Variants in RAB19 observed in about 807,000 individuals in gnomAD.
The protein encoded by RAB19 is ras-related protein Rab-19.
Under a neutral mutation model 17.3 loss-of-function variants are expected in RAB19, and 21 were observed. The observed-to-expected ratio is 1.21, with a 90% CI of 0.86 to 1.74. The LOEUF (loss-of-function observed/expected upper bound fraction) is 1.74. RAB19 is among the 40% of genes most tolerant of loss of function. The pLI, the probability that RAB19 is intolerant of heterozygous loss-of-function variation, is 0.00. For synonymous variants in RAB19, 126 were observed against 110.4 expected (o/e 1.14, Z -0.88); for missense variants, 277 against 286.8 (o/e 0.97, Z 0.25).
chr7:140,425,933 G>A lies in RAB19; in HGVS notation c.437G>A (p.Cys146Tyr). 6.2e-7 allele frequency: 1 copy of A among 1,614,166 alleles called. No homozygotes were observed. The highest frequency in any genetic ancestry group is 1.6e-4 in the Middle Eastern group (1 of 6,062). ...EKRHVLFEDA[C>Y]TLAEKYGLLA... ...CGGCACGTCCTGTTCGAGGATGCCTGCACACTGGCTGAGAAGTACGGCCTC... is the reference window on the plus strand; with the variant it reads ...CGGCACGTCCTGTTCGAGGATGCCTACACACTGGCTGAGAAGTACGGCCTC... The change falls in exon 4 of 4, where the codon TGC (cysteine) becomes TAC (tyrosine). Residue 146 changes from cysteine to tyrosine, a missense_variant. Cys to Tyr is a radical substitution (Grantham distance 194). Coordinates refer to ENST00000537763, the MANE Select transcript of RAB19 (RefSeq NM_001008749.3).
In RAB19 at chr7:140,426,053, A is replaced by C. The variant is rs1554443009; in HGVS notation, c.557A>C (p.His186Pro). The change falls in exon 4 of 4, where the codon CAC (histidine) becomes CCC (proline). Residue 186 changes from histidine (H) to proline (P), a missense_variant. Transcript: ENST00000537763. ...GAGCTGATCGCGCGCAACAGCCTGC[A>C]CCTATATGGGGAGAGTGCCCTGAAC... ...AKELIARNSL[H>P]LYGESALNGL... The C allele has an allele frequency of 1.2e-6, 2 of 1,614,116 alleles. No homozygotes were observed.
intron 3 of RAB19, among the ~76,000 whole-genome samples, chr7:140,424,220 C>T (rs552770854): frequency 3.3e-5 from 5 of 149,320 alleles, no homozygotes; most frequent in South Asian, 2.1e-4. Context: ...TGCAATAGTG[C>T]GATCTCAGCT....
chr7:140,412,277 C>G (rs1256138466), intron 3 of RAB19, among the ~76,000 whole-genome samples: 2 of 152,026 alleles, frequency 1.3e-5, no homozygotes, highest in Non-Finnish European at 2.9e-5. Flanking sequence ...CGGTGAAACC[C>G]CGTCTCTACT....
At chr7:140,425,720 A>G (rs532033123) in intron 3 of RAB19, among the ~76,000 whole-genome samples, 162 bp from the exon 4 acceptor site, 1 of 140,548 alleles carries the variant, frequency 7.1e-6, no homozygotes, top group South Asian at 2.2e-4. Flanking sequence ...GTGAAACTCC[A>G]TCTCAAAAAA....
At chr7:140,407,880 C>CTTTTTTTTTTTTTTTTTT (rs71170993) in intron 2 of RAB19, 33 bp downstream of exon 2, 1 of 552,650 alleles carries the variant, frequency 1.8e-6, no homozygotes, top group African/African-American at 3.4e-5. Flanking sequence ...CTGGTTCCAC[C>CTTTTTTTTTTTTTTTTTT]TTTTTTTTTT....
In RAB19 at chr7:140,411,902, A is replaced by C; in HGVS notation, c.230A>C (p.Glu77Ala). The change falls in exon 3 of 4, where the codon GAG becomes GCG. Residue 77 changes from glutamate to alanine, a missense_variant. Glu to Ala is a moderately radical substitution (Grantham distance 107). Coordinates refer to ENST00000537763, the MANE Select transcript of RAB19 (RefSeq NM_001008749.3). ...CAGGTGTGGGACACAGCTGGCCAGG[A>C]GCGCTTCCGCACCATCACCCAAAGC... ...KMQVWDTAGQ[E>A]RFRTITQSYY... is the part of the protein sequence containing the mutation. 2 of 1,614,146 alleles carry C rather than the reference A, an allele frequency of 1.2e-6. No homozygotes were observed. Among genetic ancestry groups the C allele is most frequent in the Non-Finnish European group, 1.7e-6 (2 of 1,180,030 alleles).
chr7:140,411,362 T>C (rs6651093), intron 2 of RAB19, among the ~76,000 whole-genome samples: 1,546 of 152,264 alleles, frequency 0.01, 18 homozygotes, highest in African/African-American at 0.036. Context: ...ATGGCGCCAC[T>C]GCACGCCAGC....
intron 3 of RAB19, among the ~76,000 whole-genome samples, chr7:140,423,920 C>T (rs1332141626): frequency 1.3e-5 from 2 of 152,030 alleles, no homozygotes; most frequent in African/African-American, 4.8e-5. Flanking sequence ...GTGGCACAAT[C>T]TTAGTTCACT....
At chr7:140,417,201 A>G (rs6464767) in intron 3 of RAB19, among the ~76,000 whole-genome samples, 1 of 148,208 alleles carries the variant, frequency 6.7e-6, no homozygotes, top group African/African-American at 2.5e-5. Context: ...GCACCACTGC[A>G]CTCCAGCCTG....
rs889092794 is a variant in RAB19, at chr7:140,427,751, C to CT, written c.*1608dup. Among the ~76,000 whole-genome samples, 2 of 151,414 alleles carry CT rather than the reference C, an allele frequency of 1.3e-5. No homozygotes were observed. Among genetic ancestry groups the CT allele is most frequent in the East Asian group, 2.0e-4 (1 of 5,128 alleles). ...ACAGGTGTGAACCACCGCACCTGGCCTTTTTTTATTATTATTATTGTAGAA... is the reference window on the plus strand; with the variant it reads ...ACAGGTGTGAACCACCGCACCTGGCCTTTTTTTTATTATTATTATTGTAGAA... On this transcript the variant is annotated 3_prime_UTR_variant, in exon 4 of 4. Transcript: ENST00000537763.
chr7:140,411,607 T>C (rs1799363002), intron 2 of RAB19, among the ~76,000 whole-genome samples: 1 of 152,026 alleles, frequency 6.6e-6, no homozygotes, highest in South Asian at 2.1e-4. Flanking sequence ...TTGGGCTGCA[T>C]TCAAAGTTGT....
intron 3 of RAB19, among the ~76,000 whole-genome samples, chr7:140,412,312 C>T (rs1465443724): frequency 2.6e-5 from 4 of 151,812 alleles, no homozygotes; most frequent in Non-Finnish European, 2.9e-5. Flanking sequence ...ATTAGACAGG[C>T]GTAGTGGTGG....
chr7:140,412,944 G>T (rs1381164793), intron 3 of RAB19, among the ~76,000 whole-genome samples: 2 of 151,298 alleles, frequency 1.3e-5, no homozygotes, highest in East Asian at 4.0e-4. Flanking sequence ...AAGCAACATG[G>T]CAAAACCTCA....
At chr7:140,410,283 C>T (rs1474011938) in intron 2 of RAB19, among the ~76,000 whole-genome samples, 1 of 149,764 alleles carries the variant, frequency 6.7e-6, no homozygotes, top group African/African-American at 2.4e-5. Flanking sequence ...CAGGCATGCG[C>T]CACCATGCCC....
intron 3 of RAB19, among the ~76,000 whole-genome samples, chr7:140,422,681 C>T (rs4574768): frequency 0.62 from 93,420 of 151,726 alleles, 29,458 homozygotes; most frequent in African/African-American, 0.75. Flanking sequence ...CCATGGGTGG[C>T]GGTGCATGTC....
At chr7:140,406,724 G>C (rs562468518) in intron 1 of RAB19, among the ~76,000 whole-genome samples, 2 of 151,516 alleles carry the variant, frequency 1.3e-5, no homozygotes, top group African/African-American at 2.4e-5. Context: ...TATAGCCATG[G>C]TTTTAATTTT....
chr7:140,404,759 G>A (rs536078771), intron 1 of RAB19, among the ~76,000 whole-genome samples: 2 of 152,164 alleles, frequency 1.3e-5, no homozygotes, highest in Non-Finnish European at 2.9e-5. Flanking sequence ...GTTACTTTTA[G>A]AGCAATTGGA....
At chr7:140,417,112 T>A (rs1164202706) in intron 3 of RAB19, among the ~76,000 whole-genome samples, 2 of 150,098 alleles carry the variant, frequency 1.3e-5, no homozygotes, top group Non-Finnish European at 1.5e-5. Context: ...GGTGAGTGCC[T>A]ATAGTCCCAG....
intron 3 of RAB19, among the ~76,000 whole-genome samples, chr7:140,419,366 G>A (rs993880995): frequency 3.3e-5 from 5 of 152,044 alleles, no homozygotes; most frequent in African/African-American, 4.8e-5. Flanking sequence ...ACTGTGCCTC[G>A]TCTTGTTTTG....
Sources: allele counts gnomAD v4.1 joint callset (sites outside exome capture counted in the v4.1 genomes callset), GRCh38; gene constraint gnomAD v4.1.1; transcripts MANE v1.5; gene names NCBI Gene and HGNC (gene_info 2026-07-23, HGNC 2026-07-21).